The following SLCO3A1 variants were observed in gnomAD, a reference collection of about 807,000 sequenced individuals.
SLCO3A1 encodes the protein solute carrier organic anion transporter family member 3A1.
Under a neutral mutation model 63.1 loss-of-function variants are expected in SLCO3A1, and 27 were observed. The ratio of observed to expected loss-of-function variants is 0.43; its 90% CI spans 0.32 to 0.59. SLCO3A1 has a LOEUF of 0.59. SLCO3A1 is among the 20% of genes least tolerant of loss of function. SLCO3A1 has a pLI of 0.09. For missense variants in SLCO3A1, 773 were observed against 945.8 expected, an observed-to-expected ratio of 0.82 and a Z score of 2.40; for synonymous variants, 473 against 409.9, an observed-to-expected ratio of 1.15 and a Z score of -1.86.
chr15:92,150,989 T>G lies in SLCO3A1; in HGVS notation c.1728T>G (p.Val576=). ...SPELKSYALG[V]LFLLLRLLGF... ...AACTCAAGTCTTACGCTTTGGGAGTTCTTTTTCTCCTCCTTCGTTTGTTGG... is the reference window on the plus strand; with the variant it reads ...AACTCAAGTCTTACGCTTTGGGAGTGCTTTTTCTCCTCCTTCGTTTGTTGG... The change falls in exon 9 of 10, where the codon GTT becomes GTG. Residue 576 remains valine (V), a synonymous_variant. Coordinates refer to ENST00000318445, the MANE Select transcript of SLCO3A1 (RefSeq NM_013272.4). 6.2e-7 allele frequency: 1 copy of G among 1,613,322 alleles called. No individual in the cohort carries two copies. The highest frequency in any genetic ancestry group is 8.5e-7 in the Non-Finnish European group (1 of 1,179,510).
chr15:91,974,611 G>T (rs1901024433), intron 2 of SLCO3A1, among the ~76,000 whole-genome samples: 1 of 152,106 alleles, frequency 6.6e-6, no homozygotes, highest in African/African-American at 2.4e-5. Flanking sequence ...GCAGGGCAGG[G>T]AGGCGGGAGG....
chr15:92,111,315 C>T lies in SLCO3A1; in HGVS notation c.1009+6773C>T, dbSNP rs1439762376. Among the ~76,000 whole-genome samples, 5 of 152,208 alleles carry T rather than the reference C, an allele frequency of 3.3e-5. No individual in the cohort carries two copies. In the East Asian group the frequency reaches 5.8e-4, roughly 18 times the overall value. On this transcript the variant is annotated intron_variant, in intron 4 of 9. Coordinates refer to ENST00000318445, the MANE Select transcript of SLCO3A1 (RefSeq NM_013272.4). Reference sequence around the variant, plus strand: ...GTTTTTCTTAATTAAAATCCTGTGCCTTTCAGCATAATGTTATCATGAGGA... The same window carrying T: ...GTTTTTCTTAATTAAAATCCTGTGCTTTTCAGCATAATGTTATCATGAGGA...
At chr15:91,980,220 T>C (rs79841516) in intron 2 of SLCO3A1, among the ~76,000 whole-genome samples, 1,911 of 152,244 alleles carry the variant, frequency 0.013, 45 homozygotes, top group African/African-American at 0.043. Flanking sequence ...GAGGCCTCGC[T>C]GCCCCGGTGG....
At chr15:92,000,969 G>A (rs560984978) in intron 2 of SLCO3A1, among the ~76,000 whole-genome samples, 4 of 152,194 alleles carry the variant, frequency 2.6e-5, no homozygotes, top group Admixed American at 6.5e-5. Flanking sequence ...GACTGTCATC[G>A]AGAGCAAGGC....
At chr15:92,151,814 C>G (rs913384451) in intron 9 of SLCO3A1, among the ~76,000 whole-genome samples, 1 of 152,224 alleles carries the variant, frequency 6.6e-6, no homozygotes, top group African/African-American at 2.4e-5. Context: ...ACAACCATGA[C>G]CTGTATTTTT....
intron 7 of SLCO3A1, among the ~76,000 whole-genome samples, chr15:92,142,878 A>T (rs2151582792): frequency 6.6e-6 from 1 of 152,224 alleles, no homozygotes; most frequent in Admixed American, 6.5e-5. Flanking sequence ...TGGTAAATAT[A>T]ATATAATCGA....
At chr15:91,963,168 C>G (rs968963078) in intron 2 of SLCO3A1, among the ~76,000 whole-genome samples, 2 of 152,046 alleles carry the variant, frequency 1.3e-5, no homozygotes, top group Non-Finnish European at 1.5e-5. Context: ...GTTAAGAATT[C>G]CTTTGTTATC....
At chr15:91,946,427 G>A (rs1470343984) in intron 2 of SLCO3A1, among the ~76,000 whole-genome samples, 1 of 152,222 alleles carries the variant, frequency 6.6e-6, no homozygotes, top group Non-Finnish European at 1.5e-5. Flanking sequence ...AGCACTCCGG[G>A]CCCTGGTAGA....
At chr15:92,141,408 G>A (rs1596138279) in intron 7 of SLCO3A1, among the ~76,000 whole-genome samples, 1 of 152,298 alleles carries the variant, frequency 6.6e-6, no homozygotes, top group South Asian at 2.1e-4. Flanking sequence ...GGAGTCTACA[G>A]GTCAGTTCCA....
chr15:92,015,945 GA>G (rs1217148125), intron 2 of SLCO3A1, among the ~76,000 whole-genome samples: 2 of 152,166 alleles, frequency 1.3e-5, no homozygotes, highest in African/African-American at 4.8e-5. Context: ...AGGTACAAAT[GA>G]TTTGGCATGT....
intron 1 of SLCO3A1, among the ~76,000 whole-genome samples, chr15:91,858,301 T>C (rs748827508): frequency 2.6e-5 from 4 of 152,206 alleles, no homozygotes; most frequent in South Asian, 4.1e-4. Flanking sequence ...TATACACTTA[T>C]GCTTACTCAA....
At chr15:92,139,627 A>G (rs1359115718) in intron 7 of SLCO3A1, among the ~76,000 whole-genome samples, 10 of 152,060 alleles carry the variant, frequency 6.6e-5, no homozygotes, top group Admixed American at 1.3e-4. Flanking sequence ...TGGTTGGTAA[A>G]CTACTGATTA....
At chr15:91,870,229 A>G (rs1897254283) in intron 1 of SLCO3A1, among the ~76,000 whole-genome samples, 1 of 152,208 alleles carries the variant, frequency 6.6e-6, no homozygotes, top group Non-Finnish European at 1.5e-5. Context: ...TTCTATTCTT[A>G]TACATGGAAA....
intron 2 of SLCO3A1, among the ~76,000 whole-genome samples, chr15:92,052,627 C>G (rs1048191064): frequency 6.6e-6 from 1 of 152,130 alleles, no homozygotes; most frequent in African/African-American, 2.4e-5. Context: ...AATGCATTCC[C>G]TTATATGCAG....
rs950368346 is a variant in SLCO3A1 at position 91,882,344 on chromosome 15, T to C, written c.180+28256T>C. Reference sequence around the variant, plus strand: ...CCTTAAATGGTATATATTGAACCCATGCATTTGCTTCTCTTTGTGTTCATA... The same window carrying C: ...CCTTAAATGGTATATATTGAACCCACGCATTTGCTTCTCTTTGTGTTCATA... On this transcript the variant is annotated intron_variant, in intron 1 of 9. Transcript: ENST00000318445. The surrounding 1 kb of genome is among the most constrained non-coding windows in gnomAD (Gnocchi z 4.4). 6.6e-6 allele frequency among the ~76,000 whole-genome samples: 1 copy of C among 152,238 alleles called. No individual in the cohort carries two copies. Among genetic ancestry groups the C allele is most frequent in the African/African-American group, 2.4e-5 (1 of 41,468 alleles).
At chr15:92,090,063 G>A (rs1480483958) in intron 2 of SLCO3A1, among the ~76,000 whole-genome samples, 4 of 151,974 alleles carry the variant, frequency 2.6e-5, no homozygotes, top group Non-Finnish European at 2.9e-5. Context: ...AGTCATAATC[G>A]CTTACTAATG....
chr15:92,072,909 C>T (rs1436279480), intron 2 of SLCO3A1, among the ~76,000 whole-genome samples: 1 of 152,162 alleles, frequency 6.6e-6, no homozygotes, highest in Non-Finnish European at 1.5e-5. Context: ...AGGACATAGA[C>T]ATATTTTTTT....
chr15:92,038,856 C>G (rs1409254188), intron 2 of SLCO3A1, among the ~76,000 whole-genome samples: 1 of 152,164 alleles, frequency 6.6e-6, no homozygotes, highest in Admixed American at 6.5e-5. Flanking sequence ...TCAAACTATA[C>G]TACAAGGCTA....
chr15:92,089,962 C>T (rs935508310), intron 2 of SLCO3A1, among the ~76,000 whole-genome samples: 2 of 152,172 alleles, frequency 1.3e-5, no homozygotes, highest in Non-Finnish European at 2.9e-5. Context: ...CAGTTAGGCT[C>T]ATACTGCTTA....
Sources: allele counts gnomAD v4.1 joint callset (sites outside exome capture counted in the v4.1 genomes callset), GRCh38; gene constraint gnomAD v4.1.1; non-coding constraint Gnocchi (gnomAD v3.1); transcripts MANE v1.5; gene names NCBI Gene and HGNC (gene_info 2026-07-23, HGNC 2026-07-21).